The following LAMA4 variants were observed in gnomAD, a reference collection of about 807,000 sequenced individuals.
LAMA4 encodes laminin subunit alpha-4.
A neutral mutation model predicts 207.1 loss-of-function variants in LAMA4; 127 were observed. The ratio of observed to expected loss-of-function variants is 0.61; its 90% CI spans 0.53 to 0.71. The LOEUF (loss-of-function observed/expected upper bound fraction) is 0.71, where lower values mean the gene tolerates loss of function less well. LAMA4 is among the 30% of genes least tolerant of loss of function. The pLI is 0.00. For synonymous variants in LAMA4, 761 were observed against 816.0 expected (o/e 0.93, Z 1.15); for missense variants, 2,093 against 2,246.5 (o/e 0.93, Z 1.38).
At position 112,148,331 on chromosome 6, in the gene LAMA4, C is replaced by T. The variant is rs1554335043; in HGVS notation, c.2179G>A (p.Ala727Thr). 2 of 1,614,150 alleles carry T rather than the reference C, an allele frequency of 1.2e-6. No individual in the cohort carries two copies. The highest frequency in any genetic ancestry group is 1.7e-6 in the Non-Finnish European group (2 of 1,179,998). ...CTAGACTGCCCCAGGCGCTGCTGGG[C>T]ATCCCCTTTACACAGAGCACAGGGT... is the stretch of plus-strand genomic sequence containing the variant. ...KQLQAAERGDAQQRLGQSRLI... is the reference protein window; with the variant it reads ...KQLQAAERGDTQQRLGQSRLI... Residue 727 changes from alanine to threonine, a missense_variant, in exon 18 of 39, where the codon GCC becomes ACC. Transcript: ENST00000230538.
chr6:112,253,832 C>T (rs1554190381), intron 2 of LAMA4, 124 bp downstream of exon 2: 2 of 1,614,252 alleles, frequency 1.2e-6, no homozygotes, highest in Non-Finnish European at 1.7e-6. Context: ...ACTGACCTAG[C>T]CCAGGTGAAA....
At chr6:112,201,019 C>T (rs1354601494) in intron 5 of LAMA4, among the ~76,000 whole-genome samples, 4 of 148,814 alleles carry the variant, frequency 2.7e-5, no homozygotes, top group African/African-American at 9.9e-5. Flanking sequence ...TATCCCAGAA[C>T]TTAAAATATA....
At chr6:112,138,523 C>A (rs1487166286) in intron 24 of LAMA4, among the ~76,000 whole-genome samples, 2 of 151,938 alleles carry the variant, frequency 1.3e-5, no homozygotes, top group Admixed American at 1.3e-4. Context: ...AGATAAAGTA[C>A]TATTAAAAAT....
intron 9 of LAMA4, among the ~76,000 whole-genome samples, chr6:112,181,626 T>C (rs1782362700): frequency 6.6e-6 from 1 of 152,210 alleles, no homozygotes; most frequent in African/African-American, 2.4e-5. Context: ...CCTTTCCTAG[T>C]GTACCCATGC....
chr6:112,133,350 A>G lies in LAMA4; in HGVS notation c.3695T>C (p.Leu1232Pro). The G allele has an allele frequency of 6.2e-7, 1 of 1,613,740 alleles. No homozygotes were observed. Among genetic ancestry groups the G allele is most frequent in the Non-Finnish European group, 8.5e-7 (1 of 1,179,702 alleles). ...AGCTTTTGACTGAGTGGTTCTTACAAGTGAGTCTTCTGGGCATCCATAACC... is the reference window on the plus strand; with the variant it reads ...AGCTTTTGACTGAGTGGTTCTTACAGGTGAGTCTTCTGGGCATCCATAACC... ...GVGYGCPEDS[L>P]ISRRAYFNGQ... Residue 1232 changes from leucine (L) to proline (P), a missense_variant and splice_region_variant, in exon 27 of 39, where the codon CTT becomes CCT. Physicochemically the swap from Leu to Pro is moderately conservative, Grantham distance 98 (BLOSUM62 -3). Transcript: ENST00000230538.
intron 38 of LAMA4, 88 bp downstream of exon 38, chr6:112,113,987 CA>C: frequency 3.4e-6 from 5 of 1,476,266 alleles, no homozygotes; most frequent in Non-Finnish European, 4.7e-6. Context: ...CTAGGTGCAT[CA>C]TAAAAACACA....
intron 12 of LAMA4, among the ~76,000 whole-genome samples, chr6:112,166,939 C>A (rs1325998813): frequency 6.6e-6 from 1 of 152,080 alleles, no homozygotes; most frequent in African/African-American, 2.4e-5. Context: ...AAAAAACAGT[C>A]CTGGGAAGGT....
At chr6:112,131,664 T>C (rs1245268850) in intron 28 of LAMA4, among the ~76,000 whole-genome samples, 3 of 152,166 alleles carry the variant, frequency 2.0e-5, no homozygotes, top group African/African-American at 4.8e-5. Context: ...CAAAATAGAC[T>C]ACTTTTTATG....
chr6:112,115,843 AAAC>A lies in LAMA4; in HGVS notation c.5112+17_5112+19del. 6.2e-7 allele frequency: 1 copy of A among 1,611,362 alleles called. No homozygotes were observed. Reference sequence around the variant, plus strand: ...CCAAGGTCAGATGAGACAAATTGTTAAACATTTTTCAGACACTACCTGTCCATT... The same window carrying A: ...CCAAGGTCAGATGAGACAAATTGTTAATTTTTCAGACACTACCTGTCCATT... On this transcript the variant is annotated intron_variant, in intron 36 of 38. Coordinates refer to ENST00000230538, the MANE Select transcript of LAMA4 (RefSeq NM_001105206.3).
intron 9 of LAMA4, among the ~76,000 whole-genome samples, chr6:112,181,967 C>T (rs1025449187): frequency 5.3e-5 from 8 of 152,086 alleles, no homozygotes; most frequent in African/African-American, 1.9e-4. Flanking sequence ...CGTGGTGGCA[C>T]ATGCCTGTAA....
intron 12 of LAMA4, among the ~76,000 whole-genome samples, chr6:112,170,155 C>T (rs1781628263): frequency 6.6e-6 from 1 of 152,224 alleles, no homozygotes; most frequent in Non-Finnish European, 1.5e-5. Context: ...AGATCGAGAA[C>T]TCACAATCTA....
At chr6:112,116,108 T>TA in intron 35 of LAMA4, 115 bp from the exon 36 acceptor site, 2 of 1,075,536 alleles carry the variant, frequency 1.9e-6, no homozygotes, top group Non-Finnish European at 2.7e-6. Flanking sequence ...ATGCATTTTT[T>TA]AACAGATAAG....
At chr6:112,194,364 C>A (rs1554349935) in intron 5 of LAMA4, among the ~76,000 whole-genome samples, 1 of 152,168 alleles carries the variant, frequency 6.6e-6, no homozygotes, top group Non-Finnish European at 1.5e-5. Flanking sequence ...CATAGGAGGT[C>A]CCCTGGTCTT....
At chr6:112,209,183 G>A (rs1554355522) in intron 3 of LAMA4, among the ~76,000 whole-genome samples, 1 of 152,170 alleles carries the variant, frequency 6.6e-6, no homozygotes, top group Non-Finnish European at 1.5e-5. Context: ...GCTGCTTGTA[G>A]GCTGGGGTTA....
At chr6:112,165,535 G>C (rs981151083) in intron 12 of LAMA4, among the ~76,000 whole-genome samples, 1 of 152,224 alleles carries the variant, frequency 6.6e-6, no homozygotes, top group Non-Finnish European at 1.5e-5. Flanking sequence ...ATTTCAAAGA[G>C]AGCTAGCGCC....
Position 112,120,290 on chromosome 6 carries a change from C to T in LAMA4, c.4658G>A (p.Trp1553Ter). 3 of 1,613,426 alleles carry T rather than the reference C, an allele frequency of 1.9e-6. No individual in the cohort carries two copies. The highest frequency in any genetic ancestry group is 2.5e-6 in the Non-Finnish European group (3 of 1,179,794). Residue 1553 changes from tryptophan (W) to a stop codon, truncating the protein, a stop_gained, in exon 33 of 39, where the codon TGG (tryptophan) becomes TAG (stop). Transcript: ENST00000230538. LOFTEE classifies it high-confidence loss of function. ...TCTCTGCCTTCAACTTACATCATGC[C>T]ACAGGCCATCATTGTATTTCTCCTG... ...RSQEKYNDGL[W>*]HDVIFIRERS...
At chr6:112,140,164 T>G (rs1320190495) in intron 22 of LAMA4, among the ~76,000 whole-genome samples, 2 of 152,208 alleles carry the variant, frequency 1.3e-5, no homozygotes, top group African/African-American at 4.8e-5. Flanking sequence ...TGCGCCAGCT[T>G]TGTTAGGTAG....
At chr6:112,143,005 A>G (rs1433651186) in intron 19 of LAMA4, among the ~76,000 whole-genome samples, 2 of 152,218 alleles carry the variant, frequency 1.3e-5, no homozygotes, top group Non-Finnish European at 2.9e-5. Flanking sequence ...GCTCACAGAA[A>G]GGCATCACAA....
At chr6:112,136,933 G>A (rs1486239068) in intron 24 of LAMA4, among the ~76,000 whole-genome samples, 1 of 151,932 alleles carries the variant, frequency 6.6e-6, no homozygotes, top group Non-Finnish European at 1.5e-5. Flanking sequence ...ATTATAACAG[G>A]CCAACAGATG....
Sources: gnomAD v4.1 joint callset for allele counts (sites outside exome capture counted in the v4.1 genomes callset) on GRCh38, gnomAD v4.1.1 for gene constraint, MANE v1.5 for transcripts, NCBI Gene and HGNC (gene_info 2026-07-23, HGNC 2026-07-21) for gene names.